The following XKR6 variants were observed in gnomAD, a reference collection of about 807,000 sequenced individuals.
The protein encoded by XKR6 is XK related 6, also known as XK-related protein 6.
In XKR6, 22 loss-of-function variants were observed where a neutral mutation model predicts 56.7. The observed-to-expected ratio is 0.39, with a 90% CI of 0.28 to 0.55. The LOEUF is 0.55. Among genes scored for constraint, XKR6 ranks in the 20% least tolerant of loss-of-function variants. XKR6 has a pLI of 0.66. For synonymous variants in XKR6, 524 were observed against 387.8 expected, an observed-to-expected ratio of 1.35 and a Z score of -4.13; for missense variants, 852 against 889.0, an observed-to-expected ratio of 0.96 and a Z score of 0.53.
chr8:10,941,248 C>T (rs1289184971), intron 1 of XKR6, among the ~76,000 whole-genome samples: 1 of 152,178 alleles, frequency 6.6e-6, no homozygotes, highest in Admixed American at 6.5e-5. Context: ...AACCCTTCAG[C>T]CCTTGACTGT....
At chr8:11,005,611 T>G (rs1798349836) in intron 1 of XKR6, among the ~76,000 whole-genome samples, 1 of 152,128 alleles carries the variant, frequency 6.6e-6, no homozygotes, top group Non-Finnish European at 1.5e-5. Context: ...GATACGAGTG[T>G]GTATTAACAT....
At chr8:11,086,921 G>A (rs370506610) in intron 1 of XKR6, among the ~76,000 whole-genome samples, 1 of 152,194 alleles carries the variant, frequency 6.6e-6, no homozygotes, top group Non-Finnish European at 1.5e-5. Context: ...TGTCCCGCAG[G>A]GATCAGTCCC....
chr8:10,911,199 C>CTTGT (rs1284455130), intron 2 of XKR6, among the ~76,000 whole-genome samples: 1 of 126,286 alleles, frequency 7.9e-6, no homozygotes, highest in Non-Finnish European at 1.7e-5. Flanking sequence ...AGAGGGTGTG[C>CTTGT]GTGTGTGTGT....
chr8:10,898,355 A>G lies in XKR6; in HGVS notation c.1523T>C (p.Leu508Pro). The change falls in exon 3 of 3, where the codon CTT becomes CCT. Residue 508 changes from leucine to proline, a missense_variant. Leu to Pro is a moderately conservative substitution (Grantham distance 98). Coordinates refer to ENST00000416569, the MANE Select transcript of XKR6 (RefSeq NM_173683.4). The surrounding 1 kb of genome is among the most constrained non-coding windows in gnomAD (Gnocchi z 6.6). ...CAGCTCGGCACAACAGGAGCTGGCA[A>G]GGATCTTAGCTCGTGGTCCTGTGGG... ...LHPTGPRAKI[L>P]ASSCCAELLW... is the part of the protein sequence containing the mutation. 9 of 1,614,010 alleles carry G rather than the reference A, an allele frequency of 5.6e-6. No individual in the cohort carries two copies. The highest frequency in any genetic ancestry group is 7.6e-6 in the Non-Finnish European group (9 of 1,179,924).
At chr8:10,987,654 ACCCTGT>A (rs1315897987) in intron 1 of XKR6, among the ~76,000 whole-genome samples, 3 of 152,164 alleles carry the variant, frequency 2.0e-5, no homozygotes, top group African/African-American at 7.2e-5. Context: ...CTGTAATCAT[ACCCTGT>A]CTCTTCTCTG....
In XKR6 at chr8:11,180,654, C is replaced by T. The variant is rs1802921669; in HGVS notation, c.764+19922G>A. ...GCACAGTGGCTCACACCTGCAATCC[C>T]AGGGCTTTGCAAAGCCCAGGTGGGA... On this transcript the variant is annotated intron_variant, in intron 1 of 2. Coordinates refer to ENST00000416569, the MANE Select transcript of XKR6 (RefSeq NM_173683.4). Among the ~76,000 whole-genome samples, 5 of 152,312 alleles carry T rather than the reference C, an allele frequency of 3.3e-5. No individual in the cohort carries two copies. In the South Asian group the frequency reaches 1.0e-3, roughly 32 times the overall value.
chr8:10,923,666 A>G (rs1378559441), intron 2 of XKR6, among the ~76,000 whole-genome samples: 1 of 152,238 alleles, frequency 6.6e-6, no homozygotes, highest in Non-Finnish European at 1.5e-5. Context: ...TTGCCAGACC[A>G]CATTGGTGAG....
chr8:10,959,837 G>A (rs964582689), intron 1 of XKR6, among the ~76,000 whole-genome samples: 1 of 152,186 alleles, frequency 6.6e-6, no homozygotes, highest in African/African-American at 2.4e-5. Context: ...CCAATGGCAG[G>A]AACCCTCTGG....
intron 1 of XKR6, among the ~76,000 whole-genome samples, chr8:10,954,094 T>A (rs1801806072): frequency 6.6e-6 from 1 of 152,396 alleles, no homozygotes; most frequent in Admixed American, 6.5e-5. Flanking sequence ...TTCCACTTTT[T>A]GGCTATTATG....
At chr8:10,992,083 C>G (rs1203645494) in intron 1 of XKR6, among the ~76,000 whole-genome samples, 2 of 152,166 alleles carry the variant, frequency 1.3e-5, no homozygotes, top group Non-Finnish European at 2.9e-5. Context: ...CCTCCACAGT[C>G]TAAATACCAA....
chr8:11,069,400 A>C (rs1385557337), intron 1 of XKR6, among the ~76,000 whole-genome samples: 1 of 151,892 alleles, frequency 6.6e-6, no homozygotes, highest in Non-Finnish European at 1.5e-5. Flanking sequence ...CACCCACAGT[A>C]TCTCTCCCGC....
At chr8:10,912,868 T>G (rs913784526) in intron 2 of XKR6, among the ~76,000 whole-genome samples, 7 of 140,806 alleles carry the variant, frequency 5.0e-5, no homozygotes, top group East Asian at 2.2e-4. Flanking sequence ...TGTGTATAGA[T>G]AGAGAGAAAG....
intron 1 of XKR6, among the ~76,000 whole-genome samples, chr8:11,073,004 C>G (rs868087347): frequency 1.3e-5 from 2 of 151,552 alleles, no homozygotes; most frequent in Non-Finnish European, 2.9e-5. Flanking sequence ...GAGCCAAGAT[C>G]GCGCCTCTGT....
intron 1 of XKR6, among the ~76,000 whole-genome samples, chr8:11,169,012 A>G (rs962349700): frequency 6.6e-6 from 1 of 152,072 alleles, no homozygotes; most frequent in Non-Finnish European, 1.5e-5. Flanking sequence ...TCAGCCTCTG[A>G]CTGGTCCCAG....
chr8:11,131,601 T>C (rs1191647628), intron 1 of XKR6, among the ~76,000 whole-genome samples: 1 of 152,172 alleles, frequency 6.6e-6, no homozygotes, highest in African/African-American at 2.4e-5. Context: ...TAGCCGCCAG[T>C]TCTCTTCCCC....
chr8:11,078,470 C>G (rs1800331192), intron 1 of XKR6, among the ~76,000 whole-genome samples: 1 of 152,172 alleles, frequency 6.6e-6, no homozygotes, highest in Admixed American at 6.5e-5. Flanking sequence ...CCACGTGCTG[C>G]TGACCCCACG....
At position 10,928,435 on chromosome 8, in the gene XKR6, A is replaced by G. The variant is rs1449259591; in HGVS notation, c.765-3605T>C. Reference sequence around the variant, plus strand: ...GAGGCAGATGGGTGGGGTGGGAGGAAGGCATAAGCCATGTCCCCCCTAAAC... The same window carrying G: ...GAGGCAGATGGGTGGGGTGGGAGGAGGGCATAAGCCATGTCCCCCCTAAAC... On this transcript the variant is annotated intron_variant, in intron 1 of 2. Transcript: ENST00000416569. Among the ~76,000 whole-genome samples, 4 of 152,346 alleles carry G rather than the reference A, an allele frequency of 2.6e-5. No individual in the cohort carries two copies. The East Asian group carries it at 7.7e-4, about 29-fold the overall frequency.
intron 1 of XKR6, among the ~76,000 whole-genome samples, chr8:11,134,715 C>G (rs937634987): frequency 6.6e-6 from 1 of 152,076 alleles, no homozygotes; most frequent in African/African-American, 2.4e-5. Context: ...CACACACACA[C>G]AGCCCCAAAA....
intron 1 of XKR6, among the ~76,000 whole-genome samples, chr8:11,169,385 G>A (rs990559515): frequency 6.6e-6 from 1 of 152,076 alleles, no homozygotes; most frequent in Non-Finnish European, 1.5e-5. Flanking sequence ...CCACCATGAT[G>A]CACTGAAGCT....
Sources: allele counts gnomAD v4.1 joint callset (sites outside exome capture counted in the v4.1 genomes callset), GRCh38; gene constraint gnomAD v4.1.1; non-coding constraint Gnocchi (gnomAD v3.1); transcripts MANE v1.5; gene names NCBI Gene and HGNC (gene_info 2026-07-23, HGNC 2026-07-21).